AP1S2: variants seen among roughly 807,000 people sequenced by gnomAD.
AP1S2 encodes AP-1 complex subunit sigma-2.
Under a neutral mutation model 14.3 loss-of-function variants are expected in AP1S2, and 1 was observed. The observed-to-expected ratio is 0.07, with a 90% CI of 0.02 to 0.33. AP1S2 has a LOEUF of 0.33. Ranked by LOEUF, AP1S2 falls within the 10% of genes least tolerant of loss-of-function variation. AP1S2 has a pLI of 0.99. For missense variants in AP1S2, 30 were observed against 117.7 expected (o/e 0.25, Z 3.45); for synonymous variants, 30 against 40.5 (o/e 0.74, Z 0.99).
intron 4 of AP1S2, chrX:15,844,976 C>G: frequency 1.3e-6 from 1 of 747,648 alleles, no homozygotes; most frequent in Non-Finnish European, 1.6e-6. Context: ...ATGTCATAAT[C>G]TCATAGTCAA....
At chrX:15,854,392 C>A (rs988949208) in intron 1 of AP1S2, among the ~76,000 whole-genome samples, 17 of 112,622 alleles carry the variant, frequency 1.5e-4, no homozygotes, top group African/African-American at 5.2e-4. Flanking sequence ...CGGCCGCCAC[C>A]GCCCCCGGCC....
At chrX:15,830,218 G>A in intron 4 of AP1S2, 2 of 752,718 alleles carry the variant, frequency 2.7e-6, no homozygotes, top group South Asian at 6.7e-5. Flanking sequence ...GCATATTTAT[G>A]TAGCATTAAA....
intron 4 of AP1S2, among the ~76,000 whole-genome samples, chrX:15,829,099 A>T (rs1397376006): frequency 9.0e-6 from 1 of 111,051 alleles, no homozygotes; most frequent in Non-Finnish European, 1.9e-5. Flanking sequence ...AAACAGTATT[A>T]AGTTGATGGT....
chrX:15,828,782 T>C (rs77260076), intron 4 of AP1S2, among the ~76,000 whole-genome samples: 1 of 102,131 alleles, frequency 9.8e-6, no homozygotes, highest in African/African-American at 3.6e-5. Context: ...AAAAAAAAAA[T>C]GGCAAGGCGG....
At chrX:15,846,132 G>T in intron 2 of AP1S2, 121 bp from the exon 3 acceptor site, 1 of 551,463 alleles carries the variant, frequency 1.8e-6, no homozygotes, top group Non-Finnish European at 3.1e-6. Context: ...TTTCACGACA[G>T]TACAGATTTT....
At chrX:15,853,601 C>T (rs1934241537) in intron 1 of AP1S2, among the ~76,000 whole-genome samples, 1 of 111,970 alleles carries the variant, frequency 8.9e-6, no homozygotes, top group African/African-American at 3.3e-5. Flanking sequence ...AATTTGAACA[C>T]GGGGAGGGGA....
chrX:15,847,247 T>A (rs1488570625), intron 2 of AP1S2, among the ~76,000 whole-genome samples: 1 of 111,395 alleles, frequency 9.0e-6, no homozygotes, highest in African/African-American at 3.3e-5. Context: ...AATTTCATTA[T>A]TAAAACCATT....
At chrX:15,842,756 C>T (rs1363399377) in intron 4 of AP1S2, among the ~76,000 whole-genome samples, 2 of 112,238 alleles carry the variant, frequency 1.8e-5, no homozygotes, top group Admixed American at 9.4e-5. Flanking sequence ...AGGCTGGATG[C>T]GGTGGCTTAC....
intron 4 of AP1S2, chrX:15,845,038 G>T: frequency 1.3e-6 from 1 of 747,719 alleles, no homozygotes; most frequent in Non-Finnish European, 1.6e-6. Context: ...ACAATTTGAA[G>T]CAATAGATGG....
intron 4 of AP1S2, among the ~76,000 whole-genome samples, chrX:15,836,144 A>T (rs965014101): frequency 1.8e-5 from 2 of 111,837 alleles, no homozygotes; most frequent in African/African-American, 6.5e-5. Context: ...ATGGCTTATT[A>T]TACTAAGCAA....
intron 5 of AP1S2, 145 bp downstream of exon 5, chrX:15,828,047 T>C (rs1933316326): frequency 1.1e-5 from 4 of 367,408 alleles, no homozygotes; most frequent in Non-Finnish European, 1.8e-5. Context: ...TTTTCCAAAG[T>C]GGCTGATTTT....
intron 4 of AP1S2, chrX:15,831,547 C>T (rs756133992): frequency 3.3e-5 from 25 of 762,474 alleles, no homozygotes; most frequent in East Asian, 1.3e-4. Flanking sequence ...TACACAGGGA[C>T]ATTAAAATAT....
At chrX:15,843,703 A>G (rs1391374273) in intron 4 of AP1S2, among the ~76,000 whole-genome samples, 2 of 112,255 alleles carry the variant, frequency 1.8e-5, no homozygotes, top group Non-Finnish European at 3.8e-5. Context: ...GACAGAGCAG[A>G]ATACAGATCT....
chrX:15,834,015 A>T (rs372018930), intron 4 of AP1S2, among the ~76,000 whole-genome samples: 18 of 111,556 alleles, frequency 1.6e-4, no homozygotes, highest in African/African-American at 4.6e-4. Flanking sequence ...GTGAGAAAAA[A>T]TTTTTTAATC....
chrX:15,835,884 GA>G (rs1933618889), intron 4 of AP1S2, among the ~76,000 whole-genome samples: 1 of 110,318 alleles, frequency 9.1e-6, no homozygotes, highest in African/African-American at 3.3e-5. Flanking sequence ...GAAGTAACAC[GA>G]GTTAGCTAAT....
At chrX:15,854,547 G>A (rs1047596701) in intron 1 of AP1S2, 141 bp downstream of exon 1, 16 of 138,174 alleles carry the variant, frequency 1.2e-4, no homozygotes, top group Non-Finnish European at 1.9e-4. Flanking sequence ...GAAGTGAGTT[G>A]CGGGCGCGGC....
At chrX:15,847,953 G>A (rs770357989) in intron 2 of AP1S2, among the ~76,000 whole-genome samples, 2 of 111,443 alleles carry the variant, frequency 1.8e-5, no homozygotes, top group East Asian at 2.8e-4. Flanking sequence ...GCTAATGCTC[G>A]TACCATCCTC....
intron 4 of AP1S2, 77 bp from the exon 5 acceptor site, chrX:15,828,277 T>C: frequency 1.3e-6 from 1 of 793,514 alleles, no homozygotes; most frequent in Non-Finnish European, 1.7e-6. Flanking sequence ...TAATTGCATG[T>C]AAAGCACTTC....
At chrX:15,851,115 TAAAACAAAAC>T (rs779620700) in intron 2 of AP1S2, among the ~76,000 whole-genome samples, 6 of 111,532 alleles carry the variant, frequency 5.4e-5, no homozygotes, top group South Asian at 7.4e-4. Context: ...GCAAAAAGCT[TAAAACAAAAC>T]AAAACAAAAC....
Sources: allele counts gnomAD v4.1 joint callset (sites outside exome capture counted in the v4.1 genomes callset), GRCh38; gene constraint gnomAD v4.1.1; transcripts MANE v1.5; gene names NCBI Gene and HGNC (gene_info 2026-07-23, HGNC 2026-07-21).